The following ZNF888 variants were observed in gnomAD, a reference collection of about 807,000 sequenced individuals.
The protein encoded by ZNF888 is CTD-2331H12.6.
A neutral mutation model predicts 7.2 loss-of-function variants in ZNF888; 5 were observed. That is an observed-to-expected ratio of 0.70 (90% confidence interval 0.36 to 1.46). ZNF888 has a LOEUF of 1.46. Ranked by LOEUF, ZNF888 falls within the 40% of genes most tolerant of loss-of-function variation. ZNF888 has a pLI of 0.03. For synonymous variants in ZNF888, 240 were observed against 284.3 expected, an observed-to-expected ratio of 0.84 and a Z score of 1.57; for missense variants, 716 against 858.0, an observed-to-expected ratio of 0.83 and a Z score of 2.07.
chr19:52,918,266 C>T (rs2064773919), intron 2 of ZNF888: 4 of 945,676 alleles, frequency 4.2e-6, no homozygotes, highest in Non-Finnish European at 5.0e-6. Flanking sequence ...AAGGTAGGTA[C>T]ATTGCTTGAG....
intron 4 of ZNF888, among the ~76,000 whole-genome samples, chr19:52,908,892 A>G (rs373717523): frequency 1.3e-5 from 2 of 150,936 alleles, no homozygotes; most frequent in African/African-American, 2.4e-5. Flanking sequence ...CACACCAGTA[A>G]TCCCACTACT....
At chr19:52,911,800 A>ATGTTT (rs78177791) in intron 4 of ZNF888, among the ~76,000 whole-genome samples, 52,432 of 151,706 alleles carry the variant, frequency 0.35, 9,867 homozygotes, top group Non-Finnish European at 0.43. Flanking sequence ...TAGCAGTAAC[A>ATGTTT]TATTTTATTT....
chr19:52,918,881 T>A lies in ZNF888; in HGVS notation c.-121A>T. 6.6e-6 allele frequency: 1 copy of A among 151,704 alleles called. No homozygotes were observed. Among genetic ancestry groups the A allele is most frequent in the Admixed American group, 6.6e-5 (1 of 15,186 alleles). The allele number at this position is 151,704 out of a possible 1,614,324, so 9.4% of individuals were successfully genotyped here. A position where few individuals can be genotyped will look rare whatever the true frequency, so the allele number is the denominator to read the frequency against. ...ATCACTTGAACCCAGGAGACAGAGGTTGCAGTGAGCCAAGATCATGACAGT... is the reference window on the plus strand; with the variant it reads ...ATCACTTGAACCCAGGAGACAGAGGATGCAGTGAGCCAAGATCATGACAGT... On this transcript the variant is annotated 5_prime_UTR_variant, in exon 2 of 5. Coordinates refer to ENST00000638862, the MANE Select transcript of ZNF888 (RefSeq NM_001393938.1).
chr19:52,914,942 T>C (rs1199770302), intron 4 of ZNF888, among the ~76,000 whole-genome samples: 1 of 152,190 alleles, frequency 6.6e-6, no homozygotes, highest in African/African-American at 2.4e-5. Flanking sequence ...ATGACAGGCG[T>C]GAGCCACCAT....
In ZNF888 at chr19:52,907,007, T is replaced by G; in HGVS notation, c.1315A>C (p.Lys439Gln). ...KTIHTGEKPY[K>Q]CNECGKVFNQ... ...AAAACCTTGCCACATTCATTACACTTGTAAGGTTTCTCTCCAGTATGAATT... is the reference window on the plus strand; with the variant it reads ...AAAACCTTGCCACATTCATTACACTGGTAAGGTTTCTCTCCAGTATGAATT... Residue 439 changes from lysine to glutamine, a missense_variant, in exon 5 of 5, where the codon AAG becomes CAG. This residue lies in a region of ZNF888 where 697 missense variants were observed against 803.4 expected (regional missense o/e 0.87). Coordinates refer to ENST00000638862, the MANE Select transcript of ZNF888 (RefSeq NM_001393938.1). 1 of 1,612,722 alleles carries G rather than the reference T, an allele frequency of 6.2e-7. No individual in the cohort carries two copies. Among genetic ancestry groups the G allele is most frequent in the Non-Finnish European group, 8.5e-7 (1 of 1,179,750 alleles).
In ZNF888 at chr19:52,911,856, G is replaced by A. The variant is rs191876630; in HGVS notation, c.142+3340C>T. Among the ~76,000 whole-genome samples the A allele has an allele frequency of 9.5e-3, 1,430 of 151,088 alleles. 12 individuals are homozygous for A. The highest frequency in any genetic ancestry group is 0.014 in the Non-Finnish European group (956 of 67,784). On this transcript the variant is annotated intron_variant, in intron 4 of 4. Transcript: ENST00000638862. ...TTTTAAGATGGAGTCTCACTCTGTC[G>A]CCCAGGCTGGAGTACAGTGGTGCAA...
rs2064779704 is a variant in ZNF888, at chr19:52,918,866, C to T, written c.-106G>A. On this transcript the variant is annotated 5_prime_UTR_variant, in exon 2 of 5. Coordinates refer to ENST00000638862, the MANE Select transcript of ZNF888 (RefSeq NM_001393938.1). ...GGTTGAGGCACAAGAATCACTTGAA[C>T]CCAGGAGACAGAGGTTGCAGTGAGC... 6.6e-6 allele frequency: 1 copy of T among 152,010 alleles called. No homozygotes were observed. Among genetic ancestry groups the T allele is most frequent in the Non-Finnish European group, 1.5e-5 (1 of 68,090 alleles). The allele number at this position is 152,010 out of a possible 1,614,324, so 9.4% of individuals were successfully genotyped here.
At chr19:52,909,252 A>ATT (rs34194002) in intron 4 of ZNF888, among the ~76,000 whole-genome samples, 3 of 144,390 alleles carry the variant, frequency 2.1e-5, no homozygotes, top group African/African-American at 5.1e-5. Flanking sequence ...AAATTTTTGT[A>ATT]TTTTTTTTTT....
chr19:52,906,916 T>C lies in ZNF888; in HGVS notation c.1406A>G (p.Lys469Arg). ...LHTGEKPYKC[K>R]ECDKVFSRKS... ...GCGACTGAAAACTTTGTCACATTCTTTACATTTGTAAGGTTTCTCTCCAGT... is the reference window on the plus strand; with the variant it reads ...GCGACTGAAAACTTTGTCACATTCTCTACATTTGTAAGGTTTCTCTCCAGT... The change falls in exon 5 of 5, where the codon AAA becomes AGA. Residue 469 changes from lysine to arginine, a missense_variant. Around this residue, in one of 2 missense-constraint regions of ZNF888, gnomAD observed 697 missense variants for 803.4 expected, o/e 0.87. Transcript: ENST00000638862. The C allele has an allele frequency of 6.2e-7, 1 of 1,613,292 alleles. No individual in the cohort carries two copies. The highest frequency in any genetic ancestry group is 2.2e-5 in the East Asian group (1 of 44,820).
Position 52,923,399 on chromosome 19 carries a change from C to T in ZNF888, c.-208G>A, listed in dbSNP as rs1156695762. Reference sequence around the variant, plus strand: ...CAGTGTGACTTCCAGTCCACGCGATCCGCTTCCTGGTCCGGGCGAATCTAC... The same window carrying T: ...CAGTGTGACTTCCAGTCCACGCGATTCGCTTCCTGGTCCGGGCGAATCTAC... On this transcript the variant is annotated 5_prime_UTR_variant, in exon 1 of 5. Transcript: ENST00000638862. 1 of 985,514 alleles carries T rather than the reference C, an allele frequency of 1.0e-6. No homozygotes were observed. The highest frequency in any genetic ancestry group is 1.8e-5 in the African/African-American group (1 of 56,922). The allele number at this position is 985,514 out of a possible 1,614,324, so 61.0% of individuals were successfully genotyped here.
chr19:52,915,638 C>A (rs889745501), intron 3 of ZNF888, among the ~76,000 whole-genome samples: 30 of 151,454 alleles, frequency 2.0e-4, no homozygotes, highest in Admixed American at 1.7e-3. Flanking sequence ...CCATGCCTGG[C>A]TAATTTTTTT....
At position 52,907,302 on chromosome 19, in the gene ZNF888, G is replaced by A; in HGVS notation, c.1020C>T (p.Asn340=). ...ECGKVFNQQS[N]LARHHRVHTG... ...TATGAACTCTATGATGACGTGCAAG[G>A]TTTGATTGTTGATTAAAAACCTTGC... The change falls in exon 5 of 5, where the codon AAC becomes AAT. Residue 340 remains asparagine (N), a synonymous_variant. Transcript: ENST00000638862. 6.2e-7 allele frequency: 1 copy of A among 1,613,290 alleles called. No individual in the cohort carries two copies. The highest frequency in any genetic ancestry group is 8.5e-7 in the Non-Finnish European group (1 of 1,179,758).
chr19:52,922,171 T>C (rs2064828461), intron 1 of ZNF888, among the ~76,000 whole-genome samples: 2 of 152,094 alleles, frequency 1.3e-5, no homozygotes, highest in African/African-American at 2.4e-5. Flanking sequence ...AAAAATTAGC[T>C]GGACTCCATC....
intron 1 of ZNF888, among the ~76,000 whole-genome samples, chr19:52,919,994 C>T (rs1186131607): frequency 4.1e-5 from 2 of 48,342 alleles, no homozygotes; most frequent in Middle Eastern, 7.8e-3. Context: ...TGAGGGGCGC[C>T]TCTGCCCGGC....
chr19:52,916,420 C>T (rs2064748708), intron 3 of ZNF888, among the ~76,000 whole-genome samples: 1 of 151,814 alleles, frequency 6.6e-6, no homozygotes, highest in African/African-American at 2.4e-5. Flanking sequence ...GATGTTAATA[C>T]AAAGGGTTGT....
rs1356974634 is a variant in ZNF888, at chr19:52,905,129, T to C, written c.*1036A>G. 5 of 152,166 alleles carry C rather than the reference T, an allele frequency of 3.3e-5. No individual in the cohort carries two copies. Among genetic ancestry groups the C allele is most frequent in the Non-Finnish European group, 7.3e-5 (5 of 68,036 alleles). 9.4% of individuals were successfully genotyped at this position (152,166 alleles called of 1,614,324 possible). A position where few individuals can be genotyped will look rare whatever the true frequency, so the allele number is the denominator to read the frequency against. The stretch of plus-strand genomic sequence containing the variant: ...AAAAATTAATATTGTTAAGTAATTA[T>C]ATAACCCAATGTGATTTAGATTCAA... On this transcript the variant is annotated 3_prime_UTR_variant, in exon 5 of 5. Transcript: ENST00000638862.
intron 1 of ZNF888, among the ~76,000 whole-genome samples, chr19:52,919,949 GCC>G (rs2064803599): frequency 3.8e-5 from 2 of 53,286 alleles, no homozygotes; most frequent in East Asian, 6.7e-4. Context: ...GAAGTGAGGA[GCC>G]CCTCTGCCCG....
At chr19:52,918,961 T>C (rs867828486) in intron 1 of ZNF888, 24 bp from the exon 2 acceptor site, 6 of 6,704 alleles carry the variant, frequency 8.9e-4, no homozygotes, top group African/African-American at 5.1e-3. Flanking sequence ...AAAAAAAATC[T>C]CCCTCTCCCT....
Position 52,906,366 on chromosome 19 carries a change from A to T in ZNF888, c.1956T>A (p.His652Gln). 1.9e-6 allele frequency: 3 copies of T among 1,613,492 alleles called. No individual in the cohort carries two copies. The highest frequency in any genetic ancestry group is 2.5e-6 in the Non-Finnish European group (3 of 1,179,728). ...GTTTCTCTCCAGTGTGAACTCTCTG[A>T]TGTTGTGCAAGGTATGAATCACGCC... is the stretch of plus-strand genomic sequence containing the variant. ...AFGRDSYLAQHQRVHTGEKPY... is the reference protein window; with the variant it reads ...AFGRDSYLAQQQRVHTGEKPY... Residue 652 changes from histidine to glutamine, a missense_variant, in exon 5 of 5, where the codon CAT becomes CAA. By Grantham distance (24) the His-to-Gln change is conservative. Coordinates refer to ENST00000638862, the MANE Select transcript of ZNF888 (RefSeq NM_001393938.1).
Sources: gnomAD v4.1 joint callset for allele counts (sites outside exome capture counted in the v4.1 genomes callset) on GRCh38, gnomAD v4.1.1 for gene constraint, gnomAD v4.1.1 regional missense constraint, MANE v1.5 for transcripts, NCBI Gene and HGNC (gene_info 2026-07-23, HGNC 2026-07-21) for gene names.